STIM2: variants seen among roughly 807,000 people sequenced by gnomAD.
STIM2 encodes stromal interaction molecule 2.
Under a neutral mutation model 85.8 loss-of-function variants are expected in STIM2, and 31 were observed. The ratio of observed to expected loss-of-function variants is 0.36; its 90% CI spans 0.27 to 0.49. STIM2 has a LOEUF of 0.49. Among genes scored for constraint, STIM2 ranks in the 20% least tolerant of loss-of-function variants. The pLI is 0.98. For missense variants in STIM2, 841 were observed against 927.6 expected, an observed-to-expected ratio of 0.91 and a Z score of 1.21; for synonymous variants, 356 against 331.1, an observed-to-expected ratio of 1.08 and a Z score of -0.82.
At chr4:26,879,332 C>CT (rs879419339) in intron 1 of STIM2, among the ~76,000 whole-genome samples, 3,472 of 145,540 alleles carry the variant, frequency 0.024, 117 homozygotes, top group African/African-American at 0.075. Flanking sequence ...AACTGTTAAT[C>CT]TTTTTTTTTT....
chr4:27,022,700 G>A lies in STIM2; in HGVS notation c.1945G>A (p.Gly649Ser), dbSNP rs1372434428. The A allele has an allele frequency of 6.2e-7, 1 of 1,614,200 alleles. No individual in the cohort carries two copies. The highest frequency in any genetic ancestry group is 8.5e-7 in the Non-Finnish European group (1 of 1,180,032). The change falls in exon 12 of 12, where the codon GGT becomes AGT. Residue 649 changes from glycine (G) to serine (S), a missense_variant. Gly to Ser is a moderately conservative substitution (Grantham distance 56). Coordinates refer to ENST00000467087, the MANE Select transcript of STIM2 (RefSeq NM_020860.4). ...GCCTGTAACTGTGGATGTGTCTTGG[G>A]GTTCTCCCGACTGTGTAGGTCTGAC...
chr4:26,919,680 A>T, intron 2 of STIM2, 46 bp downstream of exon 2: 2 of 1,588,072 alleles, frequency 1.3e-6, no homozygotes, highest in Non-Finnish European at 1.7e-6. Context: ...GAACAGAATG[A>T]CTGCATTTCT....
At chr4:26,965,081 C>T (rs10489056) in intron 3 of STIM2, among the ~76,000 whole-genome samples, 5,508 of 152,214 alleles carry the variant, frequency 0.036, 137 homozygotes, top group South Asian at 0.077. Context: ...TTCCACTTTC[C>T]TACAGTGCTT....
intron 1 of STIM2, among the ~76,000 whole-genome samples, chr4:26,872,531 T>C (rs1250958046): frequency 3.3e-5 from 5 of 152,192 alleles, no homozygotes; most frequent in Admixed American, 3.3e-4. Context: ...CAAAATTTTG[T>C]TTTTTACAAT....
rs994542325 is a variant in STIM2 at position 26,920,608 on chromosome 4, G to A, written c.282+974G>A. On this transcript the variant is annotated intron_variant, in intron 2 of 11. Transcript: ENST00000467087. ...TACATTATTATCTCGTGATGTAACA[G>A]TGACAGTGTCTAGTAACATTGTTAT... Among the ~76,000 whole-genome samples the A allele has an allele frequency of 2.6e-5, 4 of 152,092 alleles. No homozygotes were observed. The South Asian group carries it at 6.2e-4, about 24-fold the overall frequency.
intron 11 of STIM2, chr4:27,019,475 A>G (rs1180566352): frequency 7.8e-7 from 1 of 1,289,524 alleles, no homozygotes; most frequent in Non-Finnish European, 1.0e-6. Flanking sequence ...CAGAAGGAAA[A>G]CTCGAGAGCT....
At chr4:26,919,777 T>C in intron 2 of STIM2, 143 bp downstream of exon 2, 1 of 975,594 alleles carries the variant, frequency 1.0e-6, no homozygotes, top group East Asian at 2.7e-5. Flanking sequence ...CATGTTAATT[T>C]TACCCTTAAT....
At chr4:26,894,489 G>C (rs1723618273) in intron 1 of STIM2, among the ~76,000 whole-genome samples, 1 of 150,458 alleles carries the variant, frequency 6.6e-6, no homozygotes, top group South Asian at 2.1e-4. Context: ...AATCAGGTCT[G>C]ATTTCCATTT....
intron 2 of STIM2, among the ~76,000 whole-genome samples, chr4:26,934,966 A>AG (rs928038031): frequency 2.0e-5 from 3 of 150,306 alleles, no homozygotes; most frequent in African/African-American, 7.3e-5. Flanking sequence ...ATACTAGTTT[A>AG]GGGAAAAAAA....
intron 2 of STIM2, among the ~76,000 whole-genome samples, chr4:26,954,949 T>C (rs1460200052): frequency 6.8e-6 from 1 of 147,262 alleles, no homozygotes; most frequent in South Asian, 2.2e-4. Context: ...ATACAATTCA[T>C]TGTGTTTATT....
At position 27,023,957 on chromosome 4, in the gene STIM2, CATT is replaced by C. The variant is rs1228030496; in HGVS notation, c.*965_*967del. On this transcript the variant is annotated 3_prime_UTR_variant, in exon 12 of 12. Coordinates refer to ENST00000467087, the MANE Select transcript of STIM2 (RefSeq NM_020860.4). ...TGTGGAAAAGATAATAAATTGAAGA[CATT>C]ATTGTGTGGGATTGTGCTGATTTTT... The C allele has an allele frequency of 3.9e-5, 6 of 152,540 alleles. No individual in the cohort carries two copies. Among genetic ancestry groups the C allele is most frequent in the Non-Finnish European group, 7.4e-5 (5 of 68,008 alleles). 9.4% of individuals were successfully genotyped at this position (152,540 alleles called of 1,614,324 possible).
In STIM2 at chr4:26,891,730, C is replaced by T. The variant is rs147743630; in HGVS notation, c.152-27774C>T. Among the ~76,000 whole-genome samples, 206 of 152,262 alleles carry T rather than the reference C, an allele frequency of 1.4e-3. 1 individual carries two copies. The highest frequency in any genetic ancestry group is 4.7e-3 in the African/African-American group (196 of 41,538). ...CAAAGAGGCCTACTAGACATTCTGT[C>T]TGTCTTGATTTTAGGAGGGACTAGC... On this transcript the variant is annotated intron_variant, in intron 1 of 11. Transcript: ENST00000467087.
At chr4:26,937,021 C>G (rs1725418397) in intron 2 of STIM2, among the ~76,000 whole-genome samples, 1 of 151,998 alleles carries the variant, frequency 6.6e-6, no homozygotes, top group South Asian at 2.1e-4. Flanking sequence ...CTTCTGGGCT[C>G]AAGCGATTTA....
chr4:26,882,911 C>G (rs571839754), intron 1 of STIM2, among the ~76,000 whole-genome samples: 4 of 151,686 alleles, frequency 2.6e-5, no homozygotes, highest in African/African-American at 9.7e-5. Context: ...GATCTCAGCT[C>G]ACTGCAACCT....
chr4:26,925,974 A>T (rs1450942014), intron 2 of STIM2, among the ~76,000 whole-genome samples: 9 of 15,538 alleles, frequency 5.8e-4, no homozygotes, highest in Non-Finnish European at 8.9e-4. Flanking sequence ...CTTACAAGGG[A>T]TGTGAAGGAC....
chr4:27,009,556 A>G (rs182426771), intron 10 of STIM2, among the ~76,000 whole-genome samples: 1 of 152,338 alleles, frequency 6.6e-6, no homozygotes, highest in Non-Finnish European at 1.5e-5. Flanking sequence ...CCAGGTATGT[A>G]CTTGTATTAT....
chr4:26,896,715 T>A (rs1723723191), intron 1 of STIM2, among the ~76,000 whole-genome samples: 1 of 152,178 alleles, frequency 6.6e-6, no homozygotes, highest in Non-Finnish European at 1.5e-5. Context: ...ATAATACAAT[T>A]AAGTAAACTA....
chr4:26,914,316 T>C (rs913945747), intron 1 of STIM2, among the ~76,000 whole-genome samples: 2 of 152,230 alleles, frequency 1.3e-5, no homozygotes, highest in Admixed American at 6.5e-5. Context: ...TCCATATTCA[T>C]AGTTATTATC....
At chr4:26,895,281 C>T (rs1447183654) in intron 1 of STIM2, among the ~76,000 whole-genome samples, 1 of 152,148 alleles carries the variant, frequency 6.6e-6, no homozygotes, top group Non-Finnish European at 1.5e-5. Flanking sequence ...TAGTGGCTCT[C>T]ATAAAATTTT....
Sources: gnomAD v4.1 joint callset for allele counts (sites outside exome capture counted in the v4.1 genomes callset) on GRCh38, gnomAD v4.1.1 for gene constraint, MANE v1.5 for transcripts, NCBI Gene and HGNC (gene_info 2026-07-23, HGNC 2026-07-21) for gene names.